CADM2: variants seen among roughly 807,000 people sequenced by gnomAD.
CADM2 encodes cell adhesion molecule 2, also known as immunoglobulin superfamily member 4D.
A neutral mutation model predicts 49.8 loss-of-function variants in CADM2; 12 were observed. The ratio of observed to expected loss-of-function variants is 0.24; its 90% CI spans 0.15 to 0.39. The LOEUF (loss-of-function observed/expected upper bound fraction) is 0.39. CADM2 is among the 10% of genes least tolerant of loss of function. The probability of loss-of-function intolerance (pLI) is 1.00; values close to 1 mark genes in which losing one functional copy is unlikely to be tolerated. For synonymous variants in CADM2, 214 were observed against 175.4 expected (o/e 1.22, Z -1.74); for missense variants, 378 against 492.3 (o/e 0.77, Z 2.20).
intron 1 of CADM2, among the ~76,000 whole-genome samples, chr3:85,545,358 A>AT (rs1356031170): frequency 6.6e-6 from 1 of 152,166 alleles, no homozygotes; most frequent in Admixed American, 6.6e-5. Flanking sequence ...GTCTCTTTCA[A>AT]TTTTTAAAAC....
chr3:85,012,522 G>A (rs1426773279), intron 1 of CADM2, among the ~76,000 whole-genome samples: 1 of 149,242 alleles, frequency 6.7e-6, no homozygotes, highest in South Asian at 2.1e-4. Context: ...TTTACAACAT[G>A]CAAGAGATTC....
At chr3:85,547,805 G>A (rs1576774583) in intron 1 of CADM2, among the ~76,000 whole-genome samples, 1 of 152,086 alleles carries the variant, frequency 6.6e-6, no homozygotes, top group Admixed American at 6.5e-5. Flanking sequence ...GCTTTTGGAG[G>A]AAAATTTAAA....
intron 1 of CADM2, among the ~76,000 whole-genome samples, chr3:85,489,576 C>T (rs1319494042): frequency 2.0e-5 from 3 of 151,640 alleles, no homozygotes; most frequent in Non-Finnish European, 4.4e-5. Context: ...GTGGGTGCAG[C>T]GCACCAGAAT....
chr3:85,789,101 C>G lies in CADM2; in HGVS notation c.89-12946C>G, dbSNP rs192375406. On this transcript the variant is annotated intron_variant, in intron 2 of 9. Transcript: ENST00000383699. ...TTTAAACAGTTATGTCCCACCCAGT[C>G]AATTGCCTCCAGAAAATTGATTATT... Among the ~76,000 whole-genome samples the G allele has an allele frequency of 2.6e-5, 4 of 152,180 alleles. No individual in the cohort carries two copies. In the East Asian group the frequency reaches 5.8e-4, roughly 22 times the overall value.
chr3:85,951,130 G>T (rs1723375259), intron 7 of CADM2, among the ~76,000 whole-genome samples: 2 of 151,040 alleles, frequency 1.3e-5, no homozygotes, highest in Admixed American at 1.3e-4. Context: ...TATGGGCAAT[G>T]CCATCTCAAT....
intron 2 of CADM2, among the ~76,000 whole-genome samples, chr3:85,749,763 T>G (rs986892804): frequency 6.6e-6 from 1 of 152,022 alleles, no homozygotes; most frequent in Non-Finnish European, 1.5e-5. Flanking sequence ...AAAGTAAATG[T>G]GTTGTGAATT....
chr3:85,437,484 C>T (rs1248842169), intron 1 of CADM2, among the ~76,000 whole-genome samples: 1 of 152,014 alleles, frequency 6.6e-6, no homozygotes, highest in African/African-American at 2.4e-5. Context: ...AATGAGTGTT[C>T]CTGTTGCTCC....
chr3:85,203,011 T>C (rs2041547433), intron 1 of CADM2, among the ~76,000 whole-genome samples: 1 of 152,188 alleles, frequency 6.6e-6, no homozygotes, highest in African/African-American at 2.4e-5. Flanking sequence ...TTTGCCTCTT[T>C]AGAATTGAAG....
At chr3:85,332,993 C>T (rs549345936) in intron 1 of CADM2, among the ~76,000 whole-genome samples, 5 of 151,764 alleles carry the variant, frequency 3.3e-5, no homozygotes, top group African/African-American at 4.8e-5. Context: ...AGTTTTGCTT[C>T]GTGTACAATA....
chr3:85,238,457 A>C (rs368102828), intron 1 of CADM2, among the ~76,000 whole-genome samples: 2 of 151,952 alleles, frequency 1.3e-5, no homozygotes, highest in African/African-American at 4.8e-5. Flanking sequence ...AAGGATAGCA[A>C]CTTCTCCTGG....
chr3:85,354,054 T>G (rs972206488), intron 1 of CADM2, among the ~76,000 whole-genome samples: 1 of 151,974 alleles, frequency 6.6e-6, no homozygotes, highest in Non-Finnish European at 1.5e-5. Flanking sequence ...TAGAACTGAC[T>G]ACAAGAGTTT....
chr3:85,150,812 G>A (rs1422039623), intron 1 of CADM2, among the ~76,000 whole-genome samples: 1 of 151,890 alleles, frequency 6.6e-6, no homozygotes, highest in Non-Finnish European at 1.5e-5. Flanking sequence ...GGGCAACTGA[G>A]GCAGGAGAAT....
chr3:86,033,270 T>G (rs764756199), intron 8 of CADM2, among the ~76,000 whole-genome samples: 53 of 152,124 alleles, frequency 3.5e-4, no homozygotes, highest in Middle Eastern at 3.4e-3. Context: ...TTGACAAACT[T>G]TTCTAATAAT....
At chr3:86,040,993 T>A (rs1417954841) in intron 8 of CADM2, among the ~76,000 whole-genome samples, 3 of 151,942 alleles carry the variant, frequency 2.0e-5, no homozygotes, top group Non-Finnish European at 2.9e-5. Context: ...GCTTCATAAG[T>A]GAAGGAGAAA....
intron 1 of CADM2, among the ~76,000 whole-genome samples, chr3:85,624,121 A>G (rs1436455673): frequency 6.6e-6 from 1 of 152,194 alleles, no homozygotes; most frequent in Admixed American, 6.5e-5. Context: ...TAATTAATTC[A>G]TATAACCATA....
At chr3:85,816,892 C>A (rs2073241488) in intron 3 of CADM2, among the ~76,000 whole-genome samples, 1 of 152,082 alleles carries the variant, frequency 6.6e-6, no homozygotes, top group South Asian at 2.1e-4. Context: ...TTTATAAATA[C>A]TAAATGTTTT....
At chr3:85,610,392 A>C in intron 1 of CADM2, among the ~76,000 whole-genome samples, 1 of 152,104 alleles carries the variant, frequency 6.6e-6, no homozygotes, top group South Asian at 2.1e-4. Flanking sequence ...TGTCAAAAAT[A>C]GTTTATATTA....
At chr3:85,862,896 A>T (rs564088474) in intron 3 of CADM2, among the ~76,000 whole-genome samples, 3 of 151,668 alleles carry the variant, frequency 2.0e-5, no homozygotes, top group Admixed American at 1.3e-4. Flanking sequence ...AACAACTCAA[A>T]TTTTTTTTTA....
At chr3:85,971,457 A>G (rs912843478) in intron 8 of CADM2, among the ~76,000 whole-genome samples, 1 of 151,728 alleles carries the variant, frequency 6.6e-6, no homozygotes, top group Non-Finnish European at 1.5e-5. Context: ...CAGAGCCTAC[A>G]TGAAAAATCA....
Sources: allele counts gnomAD v4.1 joint callset (sites outside exome capture counted in the v4.1 genomes callset), GRCh38; gene constraint gnomAD v4.1.1; transcripts MANE v1.5; gene names NCBI Gene and HGNC (gene_info 2026-07-23, HGNC 2026-07-21).